The following ALK variants were observed in gnomAD, a reference collection of about 807,000 sequenced individuals.
The protein encoded by ALK is ALK receptor tyrosine kinase.
Under a neutral mutation model 163.1 loss-of-function variants are expected in ALK, and 74 were observed. That is an observed-to-expected ratio of 0.45 (90% CI 0.38 to 0.55). The LOEUF (loss-of-function observed/expected upper bound fraction) is 0.55, where lower values mean the gene tolerates loss of function less well. ALK is among the 20% of genes least tolerant of loss of function. The pLI is 0.00. For synonymous variants in ALK, 960 were observed against 843.2 expected (o/e 1.14, Z -2.40); for missense variants, 2,063 against 2,105.3 (o/e 0.98, Z 0.39).
rs546954600 is a variant in ALK, at chr2:29,502,510, T to C, written c.1154+29405A>G. 6.6e-5 allele frequency among the ~76,000 whole-genome samples: 10 copies of C among 152,276 alleles called. No homozygotes were observed. In the South Asian group the frequency reaches 2.1e-3, roughly 32 times the overall value. On this transcript the variant is annotated intron_variant, in intron 4 of 28. Transcript: ENST00000389048. ...CGTTTTATTACTCAGAGGTTCTTGT[T>C]ACTTCATAAATCTTGAGCTCCCCCA...
At position 29,625,610 on chromosome 2, in the gene ALK, G is replaced by A. The variant is rs144780633; in HGVS notation, c.952+69240C>T. Among the ~76,000 whole-genome samples, 234 of 152,288 alleles carry A rather than the reference G, an allele frequency of 1.5e-3. 1 individual carries two copies. Among genetic ancestry groups the A allele is most frequent in the African/African-American group, 5.3e-3 (222 of 41,556 alleles). Reference sequence around the variant, plus strand: ...TGCGTCGGGAGAAATCTGTTGTTAGGCATTTTCATCACTGTGTCAGCATCA... The same window carrying A: ...TGCGTCGGGAGAAATCTGTTGTTAGACATTTTCATCACTGTGTCAGCATCA... On this transcript the variant is annotated intron_variant, in intron 3 of 28. Transcript: ENST00000389048.
At chr2:29,583,655 G>T (rs1321580046) in intron 3 of ALK, among the ~76,000 whole-genome samples, 4 of 151,958 alleles carry the variant, frequency 2.6e-5, no homozygotes, top group Non-Finnish European at 4.4e-5. Context: ...TATCTAGAAG[G>T]ACAGTCCCCT....
intron 5 of ALK, among the ~76,000 whole-genome samples, chr2:29,345,608 A>G (rs903388669): frequency 2.6e-5 from 4 of 151,974 alleles, no homozygotes; most frequent in African/African-American, 9.7e-5. Context: ...TTGAACCCCA[A>G]GGTTCCACTT....
At chr2:29,676,367 G>T (rs1051710031) in intron 3 of ALK, among the ~76,000 whole-genome samples, 5 of 151,956 alleles carry the variant, frequency 3.3e-5, no homozygotes, top group Admixed American at 6.6e-5. Context: ...TTTGTGTATG[G>T]TATGAGGTCA....
chr2:29,764,945 C>T (rs1680816353), intron 1 of ALK, among the ~76,000 whole-genome samples: 1 of 152,110 alleles, frequency 6.6e-6, no homozygotes, highest in South Asian at 2.1e-4. Context: ...TGGTGCTGTT[C>T]TCATGCTAGT....
intron 4 of ALK, among the ~76,000 whole-genome samples, chr2:29,396,835 G>GGT (rs1669318237): frequency 2.8e-5 from 1 of 35,726 alleles, no homozygotes. Flanking sequence ...TTGTTACTAT[G>GGT]GTTTTTTTTT....
intron 9 of ALK, among the ~76,000 whole-genome samples, chr2:29,285,881 C>A (rs971171486): frequency 3.3e-5 from 5 of 151,938 alleles, no homozygotes; most frequent in African/African-American, 7.2e-5. Context: ...CTGTTTATTA[C>A]CTGTATTCCT....
At chr2:29,419,140 C>T (rs139053778) in intron 4 of ALK, among the ~76,000 whole-genome samples, 2,417 of 151,284 alleles carry the variant, frequency 0.016, 175 homozygotes, top group African/African-American at 0.053. Context: ...CTGCAACCTC[C>T]GCCTCCCGTG....
chr2:29,412,350 G>A (rs1231726373), intron 4 of ALK, among the ~76,000 whole-genome samples: 1 of 152,216 alleles, frequency 6.6e-6, no homozygotes, highest in African/African-American at 2.4e-5. Context: ...CTGTAGTACA[G>A]TGGCGCTGCA....
intron 3 of ALK, among the ~76,000 whole-genome samples, chr2:29,678,819 A>G (rs1217042401): frequency 6.6e-6 from 1 of 151,766 alleles, no homozygotes; most frequent in African/African-American, 2.4e-5. Flanking sequence ...GTCTATATTG[A>G]AGAATGTTCT....
At chr2:29,207,002 G>A (rs1239014060) in intron 26 of ALK, among the ~76,000 whole-genome samples, 169 bp downstream of exon 26, 3 of 152,220 alleles carry the variant, frequency 2.0e-5, no homozygotes, top group African/African-American at 4.8e-5. Context: ...AAGTCTTTAT[G>A]AATTCTGATA....
intron 4 of ALK, among the ~76,000 whole-genome samples, chr2:29,518,645 C>G (rs1050145813): frequency 6.6e-6 from 1 of 152,140 alleles, no homozygotes; most frequent in African/African-American, 2.4e-5. Context: ...GTCCCCTGAC[C>G]CCTTTGCTGG....
chr2:29,551,514 C>G (rs114056058), intron 3 of ALK, among the ~76,000 whole-genome samples: 1 of 152,052 alleles, frequency 6.6e-6, no homozygotes, highest in African/African-American at 2.4e-5. Flanking sequence ...GGTGACCTCC[C>G]ATAGCCACAA....
chr2:29,868,548 G>A (rs754481019), intron 1 of ALK, among the ~76,000 whole-genome samples: 41 of 152,186 alleles, frequency 2.7e-4, no homozygotes, highest in Non-Finnish European at 5.7e-4. Flanking sequence ...GGTCGGTCAG[G>A]AGAGACCTCA....
intron 8 of ALK, among the ~76,000 whole-genome samples, chr2:29,298,101 C>CAAA (rs1666252500): frequency 6.6e-6 from 1 of 152,214 alleles, no homozygotes; most frequent in African/African-American, 2.4e-5. Context: ...AACCATGACT[C>CAAA]ACGGCAGCCC....
At chr2:29,414,745 G>A (rs1312837227) in intron 4 of ALK, among the ~76,000 whole-genome samples, 1 of 152,180 alleles carries the variant, frequency 6.6e-6, no homozygotes, top group Non-Finnish European at 1.5e-5. Context: ...CTTTCAGACA[G>A]TTCCTGCATG....
intron 1 of ALK, among the ~76,000 whole-genome samples, chr2:29,897,978 G>T (rs1442188494): frequency 6.6e-6 from 1 of 152,200 alleles, no homozygotes; most frequent in Non-Finnish European, 1.5e-5. Flanking sequence ...ATATCCAAAG[G>T]CAAAATTATG....
chr2:29,403,118 AGAT>A (rs1669490397), intron 4 of ALK, among the ~76,000 whole-genome samples: 1 of 152,200 alleles, frequency 6.6e-6, no homozygotes, highest in South Asian at 2.1e-4. Context: ...TCATAAAATG[AGAT>A]GATAACCACA....
intron 5 of ALK, among the ~76,000 whole-genome samples, chr2:29,355,192 C>T (rs897655315): frequency 6.6e-6 from 1 of 152,200 alleles, no homozygotes; most frequent in African/African-American, 2.4e-5. Context: ...TTAACCTCTT[C>T]CATTTGTGTG....
Sources: allele counts gnomAD v4.1 joint callset (sites outside exome capture counted in the v4.1 genomes callset), GRCh38; gene constraint gnomAD v4.1.1; transcripts MANE v1.5; gene names NCBI Gene and HGNC (gene_info 2026-07-23, HGNC 2026-07-21).